PRKCE: variants seen among roughly 807,000 people sequenced by gnomAD.
PRKCE encodes the protein protein kinase C epsilon type.
In PRKCE, 16 loss-of-function variants were observed where a neutral mutation model predicts 85.4. That is an observed-to-expected ratio of 0.19 (90% CI 0.13 to 0.28). PRKCE has a LOEUF of 0.28. Ranked by LOEUF, PRKCE falls within the 10% of genes least tolerant of loss-of-function variation. The pLI is 1.00. For missense variants in PRKCE, 573 were observed against 975.2 expected (o/e 0.59, Z 5.49); for synonymous variants, 388 against 371.5 (o/e 1.04, Z -0.51).
At chr2:45,700,328 T>TGAGG (rs531866579) in intron 1 of PRKCE, among the ~76,000 whole-genome samples, 28 of 151,570 alleles carry the variant, frequency 1.8e-4, no homozygotes, top group Non-Finnish European at 3.7e-4. Context: ...AGGAGGGCAG[T>TGAGG]GAGGGAGACA....
At chr2:45,873,718 G>A in intron 2 of PRKCE, among the ~76,000 whole-genome samples, 1 of 152,198 alleles carries the variant, frequency 6.6e-6, no homozygotes, top group South Asian at 2.1e-4. Context: ...ACTCTCCCAT[G>A]TTCCAGGAGA....
intron 10 of PRKCE, among the ~76,000 whole-genome samples, chr2:46,027,842 A>G (rs1364640187): frequency 6.6e-6 from 1 of 152,182 alleles, no homozygotes; most frequent in Non-Finnish European, 1.5e-5. Flanking sequence ...TCCAAGACCA[A>G]GGCCAAGATG....
chr2:46,031,024 A>T (rs1707479569), intron 10 of PRKCE, among the ~76,000 whole-genome samples: 1 of 152,204 alleles, frequency 6.6e-6, no homozygotes, highest in Non-Finnish European at 1.5e-5. Context: ...ACCATGCTCT[A>T]TGTGAGTAGG....
At chr2:45,949,861 G>A (rs1700504019) in intron 2 of PRKCE, among the ~76,000 whole-genome samples, 1 of 147,266 alleles carries the variant, frequency 6.8e-6, no homozygotes, top group Admixed American at 6.8e-5. Flanking sequence ...TTTGATATTT[G>A]ATAGCGAAGC....
intron 6 of PRKCE, among the ~76,000 whole-genome samples, chr2:45,992,813 C>T (rs536952538): frequency 1.9e-4 from 29 of 152,286 alleles, no homozygotes; most frequent in Admixed American, 1.0e-3. Context: ...CTCCAAATGA[C>T]GGTAGGATGT....
At chr2:46,115,543 G>C (rs879766384) in intron 11 of PRKCE, among the ~76,000 whole-genome samples, 4 of 152,280 alleles carry the variant, frequency 2.6e-5, no homozygotes, top group African/African-American at 4.8e-5. Context: ...TCTCCAGTGG[G>C]GAAGCCTTTA....
Position 45,827,561 on chromosome 2 carries a change from G to T in PRKCE, c.349-15439G>T, listed in dbSNP as rs145740319. On this transcript the variant is annotated intron_variant, in intron 1 of 14. Transcript: ENST00000306156. ...CAAGCACAGATGTATAAGGAGAGTTGCCCATTTTCAGAGAATAGATAGTCC... is the reference window on the plus strand; with the variant it reads ...CAAGCACAGATGTATAAGGAGAGTTTCCCATTTTCAGAGAATAGATAGTCC... Among the ~76,000 whole-genome samples the T allele has an allele frequency of 2.6e-3, 403 of 152,240 alleles. 3 individuals are homozygous for T. The highest frequency in any genetic ancestry group is 9.0e-3 in the African/African-American group (375 of 41,546).
rs1677496853 is a variant in PRKCE at position 46,159,074 on chromosome 2, G to A, written c.1921-532G>A. ...AACATAAAAACAGTGGAGAGGGGCT[G>A]GGTCCAGGAACAGGAAAGGAGCTGG... is the stretch of plus-strand genomic sequence containing the variant. On this transcript the variant is annotated intron_variant, in intron 13 of 14. Coordinates refer to ENST00000306156, the MANE Select transcript of PRKCE (RefSeq NM_005400.3). The surrounding 1 kb of genome is among the most constrained non-coding windows in gnomAD (Gnocchi z 4.1). Among the ~76,000 whole-genome samples, 1 of 152,208 alleles carries A rather than the reference G, an allele frequency of 6.6e-6. No individual in the cohort carries two copies. The highest frequency in any genetic ancestry group is 1.5e-5 in the Non-Finnish European group (1 of 68,034).
chr2:45,785,583 C>T (rs1390064113), intron 1 of PRKCE, among the ~76,000 whole-genome samples: 2 of 152,160 alleles, frequency 1.3e-5, no homozygotes, highest in African/African-American at 4.8e-5. Context: ...TTGAGAAACG[C>T]TGTAGAAGGG....
intron 10 of PRKCE, among the ~76,000 whole-genome samples, chr2:46,056,136 T>C (rs1038137274): frequency 6.6e-6 from 1 of 152,190 alleles, no homozygotes; most frequent in Non-Finnish European, 1.5e-5. Context: ...GAATCAAGTA[T>C]ACCCAGTGAG....
chr2:45,876,014 G>C (rs910919164), intron 2 of PRKCE, among the ~76,000 whole-genome samples: 1 of 152,154 alleles, frequency 6.6e-6, no homozygotes, highest in South Asian at 2.1e-4. Context: ...ATCTTCTATG[G>C]GGGCTAAAAA....
At chr2:46,174,837 G>A (rs281474) in intron 14 of PRKCE, among the ~76,000 whole-genome samples, 123,913 of 151,900 alleles carry the variant, frequency 0.82, 51,112 homozygotes, top group East Asian at 0.96. Flanking sequence ...CTACAGGCAC[G>A]TGCCACCGTG....
intron 1 of PRKCE, among the ~76,000 whole-genome samples, chr2:45,736,370 G>T (rs1682061314): frequency 6.6e-6 from 1 of 152,188 alleles, no homozygotes; most frequent in Non-Finnish European, 1.5e-5. Flanking sequence ...GAGTTGGAAG[G>T]CTGCTCTGGG....
chr2:46,025,293 C>T (rs1419027479), intron 10 of PRKCE, among the ~76,000 whole-genome samples: 1 of 152,072 alleles, frequency 6.6e-6, no homozygotes, highest in South Asian at 2.1e-4. Context: ...GAACGTAAGA[C>T]ATCTGGAACA....
chr2:46,000,340 C>T (rs1286180004), intron 6 of PRKCE, among the ~76,000 whole-genome samples: 1 of 151,944 alleles, frequency 6.6e-6, no homozygotes, highest in Non-Finnish European at 1.5e-5. Flanking sequence ...GTGAACCTCA[C>T]AAGTGCTGTT....
At position 45,726,451 on chromosome 2, in the gene PRKCE, C is replaced by T. The variant is rs187949698; in HGVS notation, c.348+74003C>T. On this transcript the variant is annotated intron_variant, in intron 1 of 14. Transcript: ENST00000306156. ...CTGTCAACATCGAGGCACGATTCCC[C>T]AGCAGCAAAAAGATTACAACGTGTG... is the stretch of plus-strand genomic sequence containing the variant. 2.0e-4 allele frequency among the ~76,000 whole-genome samples: 30 copies of T among 152,298 alleles called. No homozygotes were observed. In the East Asian group the frequency reaches 5.4e-3, roughly 27 times the overall value.
chr2:45,913,148 A>G (rs1322732366), intron 2 of PRKCE, among the ~76,000 whole-genome samples: 9 of 152,134 alleles, frequency 5.9e-5, no homozygotes, highest in Non-Finnish European at 1.0e-4. Context: ...TTTTGACTAG[A>G]CAAGCTCTTT....
chr2:45,782,364 G>T (rs1419481088), intron 1 of PRKCE, among the ~76,000 whole-genome samples: 1 of 152,174 alleles, frequency 6.6e-6, no homozygotes, highest in Non-Finnish European at 1.5e-5. Context: ...CTAATCCCAA[G>T]TCCCCACTTG....
chr2:45,738,611 T>A (rs893215836), intron 1 of PRKCE, among the ~76,000 whole-genome samples: 2 of 152,248 alleles, frequency 1.3e-5, no homozygotes, highest in African/African-American at 4.8e-5. Flanking sequence ...CCTTGTACGT[T>A]GTTCTCAGTA....
Sources: allele counts gnomAD v4.1 joint callset (sites outside exome capture counted in the v4.1 genomes callset), GRCh38; gene constraint gnomAD v4.1.1; non-coding constraint Gnocchi (gnomAD v3.1); transcripts MANE v1.5; gene names NCBI Gene and HGNC (gene_info 2026-07-23, HGNC 2026-07-21).